CHRDL1: variants seen among roughly 807,000 people sequenced by gnomAD.
The protein encoded by CHRDL1 is chordin like 1.
CHRDL1 carries 19 observed loss-of-function variants against 40.9 expected under a neutral mutation model. That is an observed-to-expected ratio of 0.46 (90% confidence interval 0.32 to 0.68). The LOEUF (loss-of-function observed/expected upper bound fraction) is 0.68. Ranked by LOEUF, CHRDL1 falls within the 30% of genes least tolerant of loss-of-function variation. The pLI is 0.03. For missense variants in CHRDL1, 329 were observed against 352.1 expected (o/e 0.93, Z 0.53); for synonymous variants, 136 against 123.4 (o/e 1.10, Z -0.68).
chrX:110,696,105 T>C (rs1036458337), intron 7 of CHRDL1, among the ~76,000 whole-genome samples: 3 of 111,079 alleles, frequency 2.7e-5, no homozygotes, highest in Non-Finnish European at 3.8e-5. Flanking sequence ...AAGGAACACA[T>C]AGAGGACAGT....
In CHRDL1 at chrX:110,792,230, G is replaced by T; in HGVS notation, c.-34-15C>A. 1.3e-6 allele frequency: 1 copy of T among 747,743 alleles called. No homozygotes were observed. The highest frequency in any genetic ancestry group is 2.0e-6 in the Non-Finnish European group (1 of 492,449). The allele number at this position is 747,743 out of a possible 1,213,427, so 61.6% of individuals were successfully genotyped here. A position where few individuals can be genotyped will look rare whatever the true frequency, so the allele number is the denominator to read the frequency against. ...GAACCTTCAAGCTGTTGGGAAGAAAGCAGAAAAAAGACTTAACACAGATCT... is the reference window on the plus strand; with the variant it reads ...GAACCTTCAAGCTGTTGGGAAGAAATCAGAAAAAAGACTTAACACAGATCT... On this transcript the variant is annotated splice_polypyrimidine_tract_variant and intron_variant, in intron 1 of 11. Transcript: ENST00000372042.
chrX:110,698,876 ACAGCCACTAATT>A (rs1434305501), intron 7 of CHRDL1, among the ~76,000 whole-genome samples: 5 of 112,460 alleles, frequency 4.4e-5, no homozygotes, highest in African/African-American at 6.5e-5. Flanking sequence ...CATCTGGTTG[ACAGCCACTAATT>A]CAGCCACTCT....
chrX:110,676,351 C>T lies in CHRDL1; in HGVS notation c.1257G>A (p.Lys419=). The change falls in exon 12 of 12, where the codon AAG becomes AAA. Residue 419 remains lysine, a synonymous_variant. Transcript: ENST00000372042. Reference sequence around the variant, plus strand: ...TCTGAGCTTCTCCTTCGGTGAAGATCTTCCACTGGCCTAAAAGGCAAACAA... The same window carrying T: ...TCTGAGCTTCTCCTTCGGTGAAGATTTTCCACTGGCCTAAAAGGCAAACAA... ...LVTRTTLSQW[K]IFTEGEAQIS... 1.7e-6 allele frequency: 2 copies of T among 1,210,610 alleles called. No homozygotes were observed. Among genetic ancestry groups the T allele is most frequent in the Non-Finnish European group, 2.2e-6 (2 of 894,786 alleles).
intron 6 of CHRDL1, among the ~76,000 whole-genome samples, chrX:110,702,562 T>C (rs1398866773): frequency 9.0e-6 from 1 of 111,561 alleles, no homozygotes; most frequent in Non-Finnish European, 1.9e-5. Context: ...GGCTCCCAAA[T>C]AGGTATGTCC....
chrX:110,763,568 TACTG>T (rs1295348864), intron 2 of CHRDL1, among the ~76,000 whole-genome samples: 1 of 102,855 alleles, frequency 9.7e-6, no homozygotes, highest in Non-Finnish European at 1.9e-5. Flanking sequence ...TACACACACA[TACTG>T]ACTCTCTGTC....
At chrX:110,727,165 A>G (rs1194254620) in intron 4 of CHRDL1, among the ~76,000 whole-genome samples, 1 of 112,100 alleles carries the variant, frequency 8.9e-6, no homozygotes, top group Non-Finnish European at 1.9e-5. Flanking sequence ...AACTGCATCA[A>G]TAAGGATTCA....
chrX:110,733,816 G>C (rs1338658066), intron 4 of CHRDL1, among the ~76,000 whole-genome samples: 1 of 108,469 alleles, frequency 9.2e-6, no homozygotes, highest in East Asian at 2.9e-4. Context: ...GCTAAGGCAG[G>C]ATCATTGGTT....
chrX:110,763,683 T>A (rs1377956846), intron 2 of CHRDL1, among the ~76,000 whole-genome samples: 3 of 111,019 alleles, frequency 2.7e-5, no homozygotes, highest in Non-Finnish European at 5.7e-5. Flanking sequence ...AATTGTGCAT[T>A]GTGCTGCTAT....
chrX:110,709,904 A>T (rs1396373452), intron 6 of CHRDL1, among the ~76,000 whole-genome samples: 2 of 111,467 alleles, frequency 1.8e-5, no homozygotes, highest in South Asian at 3.8e-4. Context: ...TGGGAGGCTG[A>T]GGCGGGAGGA....
At chrX:110,790,931 C>G (rs1406693808) in intron 2 of CHRDL1, among the ~76,000 whole-genome samples, 1 of 105,849 alleles carries the variant, frequency 9.4e-6, no homozygotes, top group African/African-American at 3.5e-5. Context: ...ATACACCGCT[C>G]ATGCTCAAAA....
intron 4 of CHRDL1, among the ~76,000 whole-genome samples, chrX:110,731,325 A>G (rs993419594): frequency 8.9e-6 from 1 of 111,777 alleles, no homozygotes; most frequent in Non-Finnish European, 1.9e-5. Context: ...AAAGACAATA[A>G]TAACAAGGGT....
At position 110,747,437 on chromosome X, in the gene CHRDL1, A is replaced by AC. The variant is rs2089278087; in HGVS notation, c.301+12223_301+12224insG. Among the ~76,000 whole-genome samples the AC allele has an allele frequency of 3.5e-5, 3 of 85,445 alleles. No individual in the cohort carries two copies. The South Asian group carries it at 1.5e-3, about 42-fold the overall frequency. The allele number at this position is 85,445 out of a possible 115,157, so 74.2% of individuals were successfully genotyped here. On this transcript the variant is annotated intron_variant, in intron 4 of 11. Transcript: ENST00000372042. Reference sequence around the variant, plus strand: ...ACACACACACACACACACACACACAAAACCAAACATCAAGAAGACCAAAAC... The same window carrying AC: ...ACACACACACACACACACACACACAACAACCAAACATCAAGAAGACCAAAAC...
chrX:110,721,133 A>C (rs1569471810), intron 5 of CHRDL1, among the ~76,000 whole-genome samples: 1 of 112,318 alleles, frequency 8.9e-6, no homozygotes. Context: ...CAACACAAAC[A>C]GCTCACCTTT....
At chrX:110,787,155 C>G (rs1300200720) in intron 2 of CHRDL1, among the ~76,000 whole-genome samples, 1 of 111,893 alleles carries the variant, frequency 8.9e-6, no homozygotes, top group African/African-American at 3.3e-5. Flanking sequence ...ATAGCAACTA[C>G]TTATGAAAAA....
intron 11 of CHRDL1, among the ~76,000 whole-genome samples, chrX:110,678,418 C>T (rs2069825491): frequency 9.0e-6 from 1 of 111,292 alleles, no homozygotes; most frequent in Admixed American, 9.5e-5. Context: ...TCTTTTAGTG[C>T]ACCTTCTGTG....
chrX:110,784,249 T>C (rs780031781), intron 2 of CHRDL1, among the ~76,000 whole-genome samples: 1 of 111,865 alleles, frequency 8.9e-6, no homozygotes, highest in South Asian at 3.8e-4. Context: ...CTGTTTCATG[T>C]TTTCTCAGGA....
intron 4 of CHRDL1, among the ~76,000 whole-genome samples, chrX:110,725,363 C>T (rs2071036400): frequency 8.9e-6 from 1 of 112,087 alleles, no homozygotes; most frequent in African/African-American, 3.2e-5. Context: ...CTACCTTTTG[C>T]AATCAGATTT....
intron 2 of CHRDL1, among the ~76,000 whole-genome samples, chrX:110,787,067 C>T (rs1296413188): frequency 1.8e-5 from 2 of 111,583 alleles, no homozygotes; most frequent in Non-Finnish European, 3.8e-5. Context: ...TACAAAGTCA[C>T]TTGATTTCAT....
intron 4 of CHRDL1, among the ~76,000 whole-genome samples, chrX:110,745,726 T>G (rs1255727687): frequency 8.9e-6 from 1 of 112,045 alleles, no homozygotes; most frequent in African/African-American, 3.2e-5. Flanking sequence ...TCCACTAGAT[T>G]GTGAACTCGT....
Sources: gnomAD v4.1 joint callset for allele counts (sites outside exome capture counted in the v4.1 genomes callset) on GRCh38, gnomAD v4.1.1 for gene constraint, MANE v1.5 for transcripts, NCBI Gene and HGNC (gene_info 2026-07-23, HGNC 2026-07-21) for gene names.